NECAB1: variants seen among roughly 807,000 people sequenced by gnomAD.
NECAB1 encodes N-terminal EF-hand calcium-binding protein 1.
In NECAB1, 29 loss-of-function variants were observed where a neutral mutation model predicts 57.5. The ratio of observed to expected loss-of-function variants is 0.50; its 90% CI spans 0.38 to 0.69. NECAB1 has a LOEUF of 0.69. Among genes scored for constraint, NECAB1 ranks in the 30% least tolerant of loss-of-function variants. The pLI, the probability that NECAB1 is intolerant of heterozygous loss-of-function variation, is 0.00. For missense variants in NECAB1, 372 were observed against 413.8 expected (o/e 0.90, Z 0.88); for synonymous variants, 142 against 147.7 (o/e 0.96, Z 0.28).
chr8:90,870,493 TC>T (rs1283315266), intron 3 of NECAB1, among the ~76,000 whole-genome samples: 1 of 152,248 alleles, frequency 6.6e-6, no homozygotes, highest in Non-Finnish European at 1.5e-5. Context: ...AATTGAATGC[TC>T]TTCATACTTT....
chr8:90,891,547 T>C (rs1022383644), intron 5 of NECAB1, among the ~76,000 whole-genome samples: 7 of 152,070 alleles, frequency 4.6e-5, no homozygotes, highest in African/African-American at 1.7e-4. Flanking sequence ...TATAAAAAAA[T>C]GTAATAGAAC....
At chr8:90,889,626 A>C (rs1440032090) in intron 5 of NECAB1, among the ~76,000 whole-genome samples, 1 of 152,194 alleles carries the variant, frequency 6.6e-6, no homozygotes, top group South Asian at 2.1e-4. Context: ...GCTCACTTAC[A>C]TGGCTGCTGA....
chr8:90,893,130 C>T (rs1156260403), intron 5 of NECAB1, among the ~76,000 whole-genome samples: 1 of 152,090 alleles, frequency 6.6e-6, no homozygotes, highest in Non-Finnish European at 1.5e-5. Context: ...CTCCAGTTAC[C>T]TACTTGCTCT....
chr8:90,812,626 A>G (rs1045303459), intron 2 of NECAB1: 2 of 152,184 alleles, frequency 1.3e-5, no homozygotes, highest in African/African-American at 4.8e-5. Context: ...TAACGAGCCA[A>G]GCATTTGACT....
intron 6 of NECAB1, among the ~76,000 whole-genome samples, chr8:90,921,905 G>C (rs963423054): frequency 2.0e-5 from 3 of 152,350 alleles, no homozygotes; most frequent in Admixed American, 2.0e-4. Flanking sequence ...TAATGAGGTA[G>C]ACATGCCATG....
chr8:90,793,104 A>G (rs1811602479), intron 1 of NECAB1, among the ~76,000 whole-genome samples: 1 of 152,188 alleles, frequency 6.6e-6, no homozygotes, highest in South Asian at 2.1e-4. Flanking sequence ...GAAGCCAGAT[A>G]CATTTGTTTG....
chr8:90,817,417 T>A (rs989807013), intron 2 of NECAB1, among the ~76,000 whole-genome samples: 4 of 151,740 alleles, frequency 2.6e-5, no homozygotes, highest in Non-Finnish European at 5.9e-5. Flanking sequence ...GAAAAAAACA[T>A]CTGCTTTCCC....
chr8:90,945,561 T>G (rs1016022214), intron 10 of NECAB1, among the ~76,000 whole-genome samples: 8 of 152,124 alleles, frequency 5.3e-5, no homozygotes, highest in Non-Finnish European at 8.8e-5. Context: ...TATGGAGAAA[T>G]GTGAGGACTG....
At chr8:90,947,861 GTCC>G (rs1363493403) in intron 10 of NECAB1, among the ~76,000 whole-genome samples, 2 of 152,154 alleles carry the variant, frequency 1.3e-5, no homozygotes, top group African/African-American at 4.8e-5. Flanking sequence ...ATACTGTGTT[GTCC>G]TCCTTTTTAC....
chr8:90,902,438 AT>A (rs1238958701), intron 5 of NECAB1, among the ~76,000 whole-genome samples: 7 of 152,124 alleles, frequency 4.6e-5, no homozygotes, highest in African/African-American at 1.2e-4. Flanking sequence ...CGAACAAACA[AT>A]TATTACTATT....
At chr8:90,824,899 A>G (rs1338429456) in intron 3 of NECAB1, 74 bp downstream of exon 3, 10 of 735,652 alleles carry the variant, frequency 1.4e-5, no homozygotes, top group Non-Finnish European at 2.2e-5. Flanking sequence ...TCCAGGAAGA[A>G]GAAAGGGAAG....
At position 90,932,970 on chromosome 8, in the gene NECAB1, GA is replaced by G. The variant is rs1380756422; in HGVS notation, c.694-1328del. ...GATATATAAAGGGCCAACAAACTAT[GA>G]AAAAATGCTCAACATCACCAATGAT... On this transcript the variant is annotated intron_variant, in intron 8 of 12. Transcript: ENST00000417640. 1.6e-4 allele frequency among the ~76,000 whole-genome samples: 24 copies of G among 152,048 alleles called. No homozygotes were observed. In the East Asian group the frequency reaches 4.3e-3, roughly 27 times the overall value.
At chr8:90,938,520 C>T (rs926640860) in intron 9 of NECAB1, among the ~76,000 whole-genome samples, 42 of 152,078 alleles carry the variant, frequency 2.8e-4, no homozygotes, top group African/African-American at 8.4e-4. Flanking sequence ...TCGGCCTAGC[C>T]GGAACAGAAA....
At chr8:90,926,676 A>G (rs1810279968) in intron 7 of NECAB1, among the ~76,000 whole-genome samples, 1 of 152,260 alleles carries the variant, frequency 6.6e-6, no homozygotes, top group South Asian at 2.1e-4. Context: ...TTCTGGAATA[A>G]GCAACAGCTG....
intron 7 of NECAB1, among the ~76,000 whole-genome samples, chr8:90,926,597 C>T (rs556265124): frequency 4.7e-4 from 71 of 152,196 alleles, no homozygotes; most frequent in African/African-American, 1.5e-3. Flanking sequence ...GTGATTTGGG[C>T]AATTTCAGTT....
chr8:90,951,323 C>A (rs1033207989), intron 12 of NECAB1, 119 bp downstream of exon 12: 15 of 570,188 alleles, frequency 2.6e-5, no homozygotes, highest in African/African-American at 4.0e-5. Flanking sequence ...TTATTTATTT[C>A]TTTATATATT....
Position 90,955,775 on chromosome 8 carries a change from A to G in NECAB1, c.*263A>G, listed in dbSNP as rs1811020093. On this transcript the variant is annotated 3_prime_UTR_variant, in exon 13 of 13. Coordinates refer to ENST00000417640, the MANE Select transcript of NECAB1 (RefSeq NM_022351.5). ...AACTCACCTAAAACCTTTTAGTGAC[A>G]AAATCCTAATATGTGGAAAAAAGCA... 2.9e-5 allele frequency: 11 copies of G among 378,462 alleles called. No homozygotes were observed. The South Asian group carries it at 5.2e-4, about 18-fold the overall frequency. 23.4% of individuals were successfully genotyped at this position (378,462 alleles called of 1,614,324 possible). A position where few individuals can be genotyped will look rare whatever the true frequency, so the allele number is the denominator to read the frequency against.
chr8:90,875,184 A>G (rs542495374), intron 4 of NECAB1, among the ~76,000 whole-genome samples: 2 of 152,324 alleles, frequency 1.3e-5, no homozygotes, highest in South Asian at 4.1e-4. Context: ...GTTGGTAGTT[A>G]AGAATAGATA....
intron 5 of NECAB1, among the ~76,000 whole-genome samples, chr8:90,882,504 G>A (rs895200897): frequency 3.3e-5 from 5 of 152,168 alleles, no homozygotes; most frequent in Middle Eastern, 3.4e-3. Flanking sequence ...TTTGGAAACT[G>A]TATAATAACT....
Sources: gnomAD v4.1 joint callset for allele counts (sites outside exome capture counted in the v4.1 genomes callset) on GRCh38, gnomAD v4.1.1 for gene constraint, MANE v1.5 for transcripts, NCBI Gene and HGNC (gene_info 2026-07-23, HGNC 2026-07-21) for gene names.